The following RUVBL1 variants were observed in gnomAD, a reference collection of about 807,000 sequenced individuals.
RUVBL1 encodes the protein RuvB like AAA ATPase 1.
Under a neutral mutation model 52.4 loss-of-function variants are expected in RUVBL1, and 4 were observed. That is an observed-to-expected ratio of 0.08 (90% CI 0.04 to 0.17). RUVBL1 has a LOEUF of 0.17. RUVBL1 is among the 10% of genes least tolerant of loss of function. RUVBL1 has a pLI of 1.00. For synonymous variants in RUVBL1, 217 were observed against 214.4 expected, an observed-to-expected ratio of 1.01 and a Z score of -0.10; for missense variants, 298 against 572.8, an observed-to-expected ratio of 0.52 and a Z score of 4.90.
At chr3:128,152,648 G>A (rs1048671958) in intron 1 of RUVBL1, among the ~76,000 whole-genome samples, 2 of 152,146 alleles carry the variant, frequency 1.3e-5, no homozygotes, top group East Asian at 3.9e-4. Context: ...ATGTATGAAT[G>A]ATTGGAAGTG....
chr3:128,111,754 A>T (rs1001159882), intron 3 of RUVBL1, among the ~76,000 whole-genome samples: 5 of 152,186 alleles, frequency 3.3e-5, no homozygotes, highest in Admixed American at 3.3e-4. Flanking sequence ...TTACTCCGAA[A>T]CTGAACTTTT....
chr3:128,110,944 G>C (rs1197056933), intron 3 of RUVBL1, among the ~76,000 whole-genome samples: 2 of 151,690 alleles, frequency 1.3e-5, no homozygotes, highest in Non-Finnish European at 2.9e-5. Context: ...TTACAGGCAT[G>C]AGCCAGGCAC....
intron 2 of RUVBL1, among the ~76,000 whole-genome samples, chr3:128,117,329 A>G (rs1050819731): frequency 9.9e-5 from 15 of 152,232 alleles, no homozygotes; most frequent in African/African-American, 3.6e-4. Context: ...GCTTGACTCC[A>G]TGACGTTTGT....
At position 128,082,583 on chromosome 3, in the gene RUVBL1, G is replaced by C; in HGVS notation, c.1120-9C>G. On this transcript the variant is annotated splice_polypyrimidine_tract_variant and intron_variant, in intron 9 of 10. Transcript: ENST00000322623. The surrounding 1 kb of genome is among the most constrained non-coding windows in gnomAD (Gnocchi z 4.7). ...GCACGGATTTTAATGATCTTTTAAA[G>C]GATAAAAAACATGATCAACGGTGAC... is the stretch of plus-strand genomic sequence containing the variant. 2 of 1,606,276 alleles carry C rather than the reference G, an allele frequency of 1.2e-6. No homozygotes were observed. Among genetic ancestry groups the C allele is most frequent in the Non-Finnish European group, 1.7e-6 (2 of 1,175,518 alleles).
intron 4 of RUVBL1, 114 bp from the exon 5 acceptor site, chr3:128,101,762 C>T (rs1040157151): frequency 9.5e-7 from 1 of 1,056,648 alleles, no homozygotes; most frequent in East Asian, 2.4e-5. Context: ...ATGGAGAAAG[C>T]CTGTTTTGCG....
At chr3:128,112,224 C>T (rs1398708988) in intron 3 of RUVBL1, among the ~76,000 whole-genome samples, 2 of 152,214 alleles carry the variant, frequency 1.3e-5, no homozygotes, top group African/African-American at 2.4e-5. Flanking sequence ...TTCACAGCAA[C>T]GGCTCTAGAA....
upstream of RUVBL1, among the ~76,000 whole-genome samples, chr3:128,127,396 C>T (rs555697322): frequency 3.0e-4 from 46 of 152,250 alleles, 2 homozygotes; most frequent in South Asian, 8.5e-3. Flanking sequence ...CTCACTCCCA[C>T]GACCCTCTCA....
At chr3:128,144,665 G>A (rs1944077085) in intron 1 of RUVBL1, among the ~76,000 whole-genome samples, 1 of 152,220 alleles carries the variant, frequency 6.6e-6, no homozygotes, top group Admixed American at 6.5e-5. Context: ...TTGCTCTCCA[G>A]GCATCCTCAG....
chr3:128,141,992 A>T (rs1293744509), intron 1 of RUVBL1: 1 of 152,158 alleles, frequency 6.6e-6, no homozygotes, highest in Non-Finnish European at 1.5e-5. Flanking sequence ...CATATTTTTT[A>T]AATGGAAACA....
downstream of RUVBL1, among the ~76,000 whole-genome samples, chr3:128,080,450 G>A (rs531009141): frequency 2.0e-5 from 3 of 152,228 alleles, no homozygotes; most frequent in Middle Eastern, 3.4e-3. Flanking sequence ...GAGAAGACCC[G>A]ACAAACATGA....
chr3:128,152,922 CCGT>C (rs1944258863), intron 1 of RUVBL1, among the ~76,000 whole-genome samples: 1 of 49,072 alleles, frequency 2.0e-5, no homozygotes, highest in Non-Finnish European at 4.0e-5. Flanking sequence ...CCGCCCCCCG[CCGT>C]CCCCCCGCCC....
intron 7 of RUVBL1, 130 bp downstream of exon 7, chr3:128,098,752 G>A: frequency 1.3e-6 from 1 of 771,406 alleles, no homozygotes; most frequent in Non-Finnish European, 2.2e-6. Context: ...CAAGCTCTAA[G>A]CTATGAGGAA....
rs149666851 is a variant in RUVBL1 at position 128,070,111 on chromosome 3, C to T, written c.940-4891G>A. 312 of 155,540 alleles carry T rather than the reference C, an allele frequency of 2.0e-3. 2 individuals are homozygous for T. The highest frequency in any genetic ancestry group is 6.8e-3 in the African/African-American group (282 of 41,622). 9.6% of individuals were successfully genotyped at this position (155,540 alleles called of 1,614,324 possible). A position where few individuals can be genotyped will look rare whatever the true frequency, so the allele number is the denominator to read the frequency against. ...GAGCAGATCATGTATTTCCCGGAGA[C>T]GTGGGACCTTGCTGGCATGTCTCCT... On this transcript the variant is annotated intron_variant, in intron 9 of 9. Coordinates refer to the RUVBL1 transcript ENST00000464873.
At chr3:128,142,343 C>A (rs960273787) in intron 1 of RUVBL1, among the ~76,000 whole-genome samples, 1 of 152,100 alleles carries the variant, frequency 6.6e-6, no homozygotes, top group Admixed American at 6.5e-5. Context: ...TGGTGAAGAT[C>A]TTAACTGTCA....
intron 3 of RUVBL1, among the ~76,000 whole-genome samples, chr3:128,107,765 T>G (rs577733855): frequency 6.6e-6 from 1 of 152,362 alleles, no homozygotes; most frequent in African/African-American, 2.4e-5. Context: ...AACACGAATA[T>G]ATCAGAACAC....
At chr3:128,084,799 A>G (rs1379844783) in intron 9 of RUVBL1, 2 of 152,258 alleles carry the variant, frequency 1.3e-5, no homozygotes, top group Non-Finnish European at 2.9e-5. Flanking sequence ...CTCCAGTAAA[A>G]ATGCTGAGGT....
chr3:128,069,790 C>T (rs560436975), intron 9 of RUVBL1: 4 of 858,202 alleles, frequency 4.7e-6, no homozygotes, highest in Non-Finnish European at 7.3e-6. Flanking sequence ...TTCTTTCATT[C>T]CACTGTGTAA....
At chr3:128,109,082 T>C (rs1157379138) in intron 3 of RUVBL1, among the ~76,000 whole-genome samples, 5 of 152,196 alleles carry the variant, frequency 3.3e-5, no homozygotes, top group African/African-American at 4.8e-5. Flanking sequence ...CACACAATTA[T>C]GGCACATTGT....
chr3:128,138,322 C>T (rs779141999), intron 1 of RUVBL1, among the ~76,000 whole-genome samples: 9 of 151,594 alleles, frequency 5.9e-5, no homozygotes, highest in Non-Finnish European at 7.4e-5. Flanking sequence ...ACAAACACAC[C>T]GACACACAAA....
Sources: allele counts gnomAD v4.1 joint callset (sites outside exome capture counted in the v4.1 genomes callset), GRCh38; gene constraint gnomAD v4.1.1; non-coding constraint Gnocchi (gnomAD v3.1); transcripts MANE v1.5; gene names NCBI Gene and HGNC (gene_info 2026-07-23, HGNC 2026-07-21).